Variants in TCOF1 observed in about 807,000 individuals in gnomAD.
The protein encoded by TCOF1 is treacle ribosome biogenesis factor 1, also known as treacle protein.
Under a neutral mutation model 149.0 loss-of-function variants are expected in TCOF1, and 33 were observed. The ratio of observed to expected loss-of-function variants is 0.22; its 90% CI spans 0.17 to 0.30. The LOEUF (loss-of-function observed/expected upper bound fraction) is 0.30, where lower values mean the gene tolerates loss of function less well. TCOF1 is among the 10% of genes least tolerant of loss of function. The pLI, the probability that TCOF1 is intolerant of heterozygous loss-of-function variation, is 1.00. For synonymous variants in TCOF1, 789 were observed against 738.8 expected (o/e 1.07, Z -1.10); for missense variants, 1,728 against 1,840.7 (o/e 0.94, Z 1.12).
At chr5:150,394,483 A>C (rs1768033679) in intron 23 of TCOF1, 1 of 152,238 alleles carries the variant, frequency 6.6e-6, no homozygotes, top group Non-Finnish European at 1.5e-5. Flanking sequence ...GGCAGACTGG[A>C]TTATTCAATT....
At chr5:150,385,216 T>C (rs1160327206) in intron 17 of TCOF1, 3 of 515,290 alleles carry the variant, frequency 5.8e-6, no homozygotes, top group East Asian at 1.5e-4. Flanking sequence ...GTCAAAGACG[T>C]AGGCCCTGCT....
At chr5:150,398,502 C>T (rs747234220) in intron 25 of TCOF1, 51 bp downstream of exon 25, 7 of 1,612,660 alleles carry the variant, frequency 4.3e-6, no homozygotes, top group Admixed American at 1.7e-5. Flanking sequence ...CAAACCCAAG[C>T]CCCCTCCTAC....
rs1198418497 is a variant in TCOF1 at position 150,374,224 on chromosome 5, C to A, written c.921C>A (p.Ala307=). 6 of 1,612,688 alleles carry A rather than the reference C, an allele frequency of 3.7e-6. No individual in the cohort carries two copies. In the South Asian group the frequency reaches 5.5e-5, roughly 15 times the overall value. The change falls in exon 8 of 27, where the codon GCC becomes GCA. Residue 307 remains alanine (A), a synonymous_variant. Transcript: ENST00000643257. ...ILQVRAASAP[A]KGTPGKGATP... ...AGGTCAGAGCTGCCTCAGCCCCTGC[C>A]AAGGGGACCCCTGGGAAAGGGGCTA...
chr5:150,392,876 AG>A, intron 22 of TCOF1, 86 bp downstream of exon 22: 1 of 1,494,798 alleles, frequency 6.7e-7, no homozygotes, highest in Non-Finnish European at 9.1e-7. Flanking sequence ...CCCTCAGGTC[AG>A]GGGTCTGGGT....
rs1447939225 is a variant in TCOF1, at chr5:150,382,941, A to G, written c.2859+3209A>G. The G allele has an allele frequency of 9.3e-5, 68 of 727,706 alleles. No individual in the cohort carries two copies. In the East Asian group the frequency reaches 1.8e-3, roughly 19 times the overall value. The allele number at this position is 727,706 out of a possible 1,614,324, so 45.1% of individuals were successfully genotyped here. A position where few individuals can be genotyped will look rare whatever the true frequency, so the allele number is the denominator to read the frequency against. ...CAGGTATCCCTGTGCATGTGCAGGA[A>G]GGGGCCACGCTGCCTCCCCTGGAAA... On this transcript the variant is annotated intron_variant, in intron 17 of 26. Transcript: ENST00000643257.
At position 150,379,257 on chromosome 5, in the gene TCOF1, A is replaced by T; in HGVS notation, c.2507A>T (p.Asn836Ile). Residue 836 changes from asparagine to isoleucine, a missense_variant, in exon 16 of 27, where the codon AAC becomes ATC. By Grantham distance (149) the Asn-to-Ile change is moderately radical. Transcript: ENST00000643257. ...KVKPPVRNPQ[N>I]STVLARGPAS... ...AAGCCACCAGTGAGAAACCCCCAGA[A>T]CAGTACCGTCTTGGCGAGGGGCCCA... is the stretch of plus-strand genomic sequence containing the variant. 1 of 1,614,184 alleles carries T rather than the reference A, an allele frequency of 6.2e-7. No homozygotes were observed. Among genetic ancestry groups the T allele is most frequent in the Non-Finnish European group, 8.5e-7 (1 of 1,180,038 alleles).
chr5:150,374,983 C>G lies in TCOF1; in HGVS notation c.1308C>G (p.Val436=), dbSNP rs1168279343. The G allele has an allele frequency of 1.5e-5, 25 of 1,613,574 alleles. No homozygotes were observed. The highest frequency in any genetic ancestry group is 2.1e-5 in the Non-Finnish European group (25 of 1,179,950). Residue 436 remains valine, a synonymous_variant, in exon 10 of 27, where the codon GTC becomes GTG. Transcript: ENST00000643257. The part of the protein sequence containing the change: ...QAKPSGKAPQ[V]RAASAPAKES... The stretch of plus-strand genomic sequence containing the variant: ...AGCCTTCAGGGAAGGCCCCCCAGGT[C>G]AGAGCCGCCTCGGCCCCTGCCAAGG...
chr5:150,396,322 C>T lies in TCOF1; in HGVS notation c.3825C>T (p.Ser1275=). 6.2e-7 allele frequency: 1 copy of T among 1,613,974 alleles called. No homozygotes were observed. The highest frequency in any genetic ancestry group is 8.5e-7 in the Non-Finnish European group (1 of 1,180,050). The change falls in exon 24 of 27, where the codon TCC becomes TCT. Residue 1275 remains serine (S), a synonymous_variant. Coordinates refer to ENST00000643257, the MANE Select transcript of TCOF1 (RefSeq NM_001371623.1). The part of the protein sequence containing the change: ...EAASGTTPQK[S]RKPKKGAGNP... ...CTTCAGGCACCACACCTCAGAAGTCCCGGAAGCCCAAGAAAGGGGCTGGGA... is the reference window on the plus strand; with the variant it reads ...CTTCAGGCACCACACCTCAGAAGTCTCGGAAGCCCAAGAAAGGGGCTGGGA...
intron 14 of TCOF1, among the ~76,000 whole-genome samples, chr5:150,377,074 G>T (rs902832045): frequency 6.6e-6 from 1 of 152,246 alleles, no homozygotes; most frequent in Non-Finnish European, 1.5e-5. Flanking sequence ...GCCATGGGCT[G>T]AAAGAGTTGG....
rs1171070868 is a variant in TCOF1 at position 150,386,035 on chromosome 5, A to C, written c.2860-1867A>C. Among the ~76,000 whole-genome samples the C allele has an allele frequency of 2.0e-5, 3 of 152,142 alleles. 1 individual carries two copies. In the East Asian group the frequency reaches 5.8e-4, roughly 29 times the overall value. The stretch of plus-strand genomic sequence containing the variant: ...TCAGAAAGTTGAGGGGCTTGACCAC[A>C]CAGTGAAGTCATGAGAGAGGCGTAA... On this transcript the variant is annotated intron_variant, in intron 17 of 26. Transcript: ENST00000643257.
intron 17 of TCOF1, 68 bp downstream of exon 17, chr5:150,379,800 G>T: frequency 6.4e-7 from 1 of 1,561,782 alleles, no homozygotes. Context: ...GGCTGGGCGT[G>T]GTGGCTCACA....
intron 17 of TCOF1, chr5:150,380,265 G>T: frequency 1.1e-5 from 2 of 180,400 alleles, no homozygotes; most frequent in East Asian, 1.4e-4. Context: ...AGCTAAAAGT[G>T]TCCTGGGTCT....
At position 150,386,089 on chromosome 5, in the gene TCOF1, G is replaced by A. The variant is rs139429874; in HGVS notation, c.2860-1813G>A. On this transcript the variant is annotated intron_variant, in intron 17 of 26. Coordinates refer to ENST00000643257, the MANE Select transcript of TCOF1 (RefSeq NM_001371623.1). The stretch of plus-strand genomic sequence containing the variant: ...GAAGCAGGTCTTCTCCTATACCCTG[G>A]GCAAGCTTCACTGCCCACCTTTATG... 3.6e-3 allele frequency among the ~76,000 whole-genome samples: 554 copies of A among 152,196 alleles called. 8 individuals carry two copies. Among genetic ancestry groups the A allele is most frequent in the African/African-American group, 0.013 (543 of 41,520 alleles).
intron 22 of TCOF1, 94 bp from the exon 23 acceptor site, chr5:150,393,278 C>A: frequency 6.6e-7 from 1 of 1,518,860 alleles, no homozygotes; most frequent in South Asian, 1.1e-5. Flanking sequence ...CCTAGAGGCC[C>A]CAGGCTGCTT....
chr5:150,372,439 C>T (rs528982467), intron 7 of TCOF1, among the ~76,000 whole-genome samples: 38 of 152,346 alleles, frequency 2.5e-4, no homozygotes, highest in African/African-American at 8.7e-4. Flanking sequence ...GTTTCTCTGC[C>T]TAGTAAATGG....
chr5:150,392,383 T>C (rs1351018881), intron 21 of TCOF1: 2 of 637,404 alleles, frequency 3.1e-6, no homozygotes, highest in East Asian at 5.5e-5. Context: ...TTGACCACTC[T>C]CAGCTTTTTG....
rs1764422253 is a variant in TCOF1 at position 150,378,997 on chromosome 5, AGTT to A, written c.2436_2438del (p.Val813del). 3 of 1,613,864 alleles carry A rather than the reference AGTT, an allele frequency of 1.9e-6. No homozygotes were observed. Among genetic ancestry groups the A allele is most frequent in the South Asian group, 2.2e-5 (2 of 91,082 alleles). On this transcript the variant is annotated inframe_deletion, in exon 15 of 27. Transcript: ENST00000643257. ...AAGGGACAATTTCAGCCCCTGGAAA[AGTT>A]GTCACTGCAGCTGCTCAAGCCAAGC...
chr5:150,372,790 G>A (rs1054927472), intron 7 of TCOF1, among the ~76,000 whole-genome samples: 2 of 152,204 alleles, frequency 1.3e-5, no homozygotes, highest in South Asian at 2.1e-4. Flanking sequence ...CTGGTAAATG[G>A]TAAAGAGGAA....
intron 26 of TCOF1, among the ~76,000 whole-genome samples, chr5:150,399,533 CAGTT>C (rs1027845234): frequency 1.8e-4 from 28 of 152,106 alleles, no homozygotes; most frequent in Non-Finnish European, 3.8e-4. Flanking sequence ...GTGGTGGTGA[CAGTT>C]AGCTGCTCCA....
Sources: gnomAD v4.1 joint callset for allele counts (sites outside exome capture counted in the v4.1 genomes callset) on GRCh38, gnomAD v4.1.1 for gene constraint, MANE v1.5 for transcripts, NCBI Gene and HGNC (gene_info 2026-07-23, HGNC 2026-07-21) for gene names.